ZNF131: variants seen among roughly 807,000 people sequenced by gnomAD.
ZNF131 encodes the protein zinc finger and BTB domain containing 35, also known as zinc finger protein 131.
In ZNF131, 7 loss-of-function variants were observed where a neutral mutation model predicts 60.0. That is an observed-to-expected ratio of 0.12 (90% CI 0.07 to 0.22). The LOEUF is 0.22. Ranked by LOEUF, ZNF131 falls within the 10% of genes least tolerant of loss-of-function variation. ZNF131 has a pLI of 1.00. For missense variants in ZNF131, 493 were observed against 740.9 expected, an observed-to-expected ratio of 0.67 and a Z score of 3.88; for synonymous variants, 257 against 253.2, an observed-to-expected ratio of 1.01 and a Z score of -0.14.
At chr5:43,158,661 C>T (rs546650824) in intron 4 of ZNF131, among the ~76,000 whole-genome samples, 1 of 152,260 alleles carries the variant, frequency 6.6e-6, no homozygotes, top group East Asian at 1.9e-4. Flanking sequence ...TATTAGGGGC[C>T]AAGACTTCAA....
chr5:43,149,585 A>G (rs1748048116), intron 4 of ZNF131, among the ~76,000 whole-genome samples: 1 of 152,188 alleles, frequency 6.6e-6, no homozygotes, highest in Non-Finnish European at 1.5e-5. Flanking sequence ...TATGGTAAGT[A>G]TATGTTTAAT....
chr5:43,136,621 A>ATTTTTTTC (rs1746136430), intron 3 of ZNF131, among the ~76,000 whole-genome samples: 1 of 120,822 alleles, frequency 8.3e-6, no homozygotes. Flanking sequence ...CCCCCATCTA[A>ATTTTTTTC]TTTTTTTCTT....
intron 4 of ZNF131, among the ~76,000 whole-genome samples, chr5:43,150,063 T>A (rs1748103911): frequency 6.6e-6 from 1 of 152,204 alleles, no homozygotes; most frequent in African/African-American, 2.4e-5. Context: ...TGTTTCTTGT[T>A]CCCTGTCCCC....
At chr5:43,168,847 C>G (rs139285372) in intron 5 of ZNF131, among the ~76,000 whole-genome samples, 1 of 152,002 alleles carries the variant, frequency 6.6e-6, no homozygotes, top group Non-Finnish European at 1.5e-5. Flanking sequence ...ATTTGGTGGT[C>G]GGTGAGGTGC....
At chr5:43,139,836 A>G (rs1406550194) in intron 4 of ZNF131, among the ~76,000 whole-genome samples, 1 of 152,214 alleles carries the variant, frequency 6.6e-6, no homozygotes, top group African/African-American at 2.4e-5. Context: ...ATTCAGTTAC[A>G]TTATTCCTTG....
rs1424891535 is a variant in ZNF131 at position 43,161,778 on chromosome 5, A to C, written c.901A>C (p.Ser301Arg). Residue 301 changes from serine to arginine, a missense_variant, in exon 5 of 7, where the codon AGC (serine) becomes CGC (arginine). Coordinates refer to ENST00000682664, the MANE Select transcript of ZNF131 (RefSeq NM_001330707.2). ...EICNKRYLRESAWKQHLNCYH... is the reference protein window; with the variant it reads ...EICNKRYLRERAWKQHLNCYH... ...ATGCAATAAACGATATCTTCGAGAG[A>C]GCGCATGGAAACAGCACCTAAATTG... The C allele has an allele frequency of 1.2e-6, 2 of 1,614,256 alleles. No homozygotes were observed. Among genetic ancestry groups the C allele is most frequent in the South Asian group, 2.2e-5 (2 of 91,078 alleles).
intron 3 of ZNF131, among the ~76,000 whole-genome samples, chr5:43,126,788 G>A (rs1021326630): frequency 6.6e-6 from 1 of 152,184 alleles, no homozygotes; most frequent in African/African-American, 2.4e-5. Context: ...CCACAGGTGT[G>A]CAGACTCAGG....
intron 5 of ZNF131, chr5:43,167,837 A>G: frequency 3.1e-6 from 1 of 318,242 alleles, no homozygotes; most frequent in Non-Finnish European, 6.3e-6. Context: ...TTTGTGATGG[A>G]AGAGACAAAG....
At chr5:43,146,299 T>C (rs924522932) in intron 4 of ZNF131, among the ~76,000 whole-genome samples, 8 of 152,134 alleles carry the variant, frequency 5.3e-5, no homozygotes, top group Admixed American at 1.3e-4. Flanking sequence ...AACTTAAAAC[T>C]GCGTATGGCC....
At chr5:43,166,630 A>G (rs1750392935) in intron 5 of ZNF131, among the ~76,000 whole-genome samples, 1 of 144,446 alleles carries the variant, frequency 6.9e-6, no homozygotes, top group Admixed American at 7.0e-5. Context: ...AAAGTGCTGG[A>G]TTACAGGCAC....
chr5:43,143,898 CTTTTTTTTTTTTTTTTTTTTTTTTTT>C (rs79246574), intron 4 of ZNF131, among the ~76,000 whole-genome samples: 6 of 34,974 alleles, frequency 1.7e-4, no homozygotes, highest in East Asian at 9.3e-4. Context: ...ATTGTCAGAG[CTTTTTTTTTTTTTTTTTTTTTTTTTT>C]TTTTTTTTTT....
chr5:43,131,295 C>T (rs534004655), intron 3 of ZNF131, among the ~76,000 whole-genome samples: 1 of 152,244 alleles, frequency 6.6e-6, no homozygotes, highest in East Asian at 1.9e-4. Context: ...GCCTCAGCCT[C>T]CCGAGTAACT....
At chr5:43,133,150 CAA>C (rs2112195093) in intron 3 of ZNF131, among the ~76,000 whole-genome samples, 1 of 152,156 alleles carries the variant, frequency 6.6e-6, no homozygotes, top group Non-Finnish European at 1.5e-5. Flanking sequence ...TCAAAAGTAT[CAA>C]TGATAAATGC....
intron 3 of ZNF131, among the ~76,000 whole-genome samples, chr5:43,137,458 TC>T (rs1169787039): frequency 6.6e-6 from 1 of 151,872 alleles, no homozygotes; most frequent in Non-Finnish European, 1.5e-5. Flanking sequence ...TAGACATTTC[TC>T]CAAACAGATG....
chr5:43,155,726 A>G (rs1467058634), intron 4 of ZNF131, among the ~76,000 whole-genome samples: 1 of 152,144 alleles, frequency 6.6e-6, no homozygotes, highest in Non-Finnish European at 1.5e-5. Flanking sequence ...ACTGGGCTTT[A>G]TTTTTGTTGG....
chr5:43,152,705 C>T (rs1748478114), intron 4 of ZNF131, among the ~76,000 whole-genome samples: 1 of 152,186 alleles, frequency 6.6e-6, no homozygotes, highest in Non-Finnish European at 1.5e-5. Context: ...TTTCCAGGCT[C>T]AGATGATCCT....
chr5:43,146,600 CAAT>C (rs1020274283), intron 4 of ZNF131, among the ~76,000 whole-genome samples: 5 of 151,404 alleles, frequency 3.3e-5, no homozygotes, highest in Non-Finnish European at 7.4e-5. Flanking sequence ...GTCTCAACAA[CAAT>C]AACAACAAAA....
Position 43,122,018 on chromosome 5 carries a change from TATC to T in ZNF131, c.-15-18_-15-16del. 1.2e-6 allele frequency: 2 copies of T among 1,612,184 alleles called. No individual in the cohort carries two copies. The highest frequency in any genetic ancestry group is 1.7e-6 in the Non-Finnish European group (2 of 1,179,338). On this transcript the variant is annotated intron_variant, in intron 1 of 6. Coordinates refer to ENST00000682664, the MANE Select transcript of ZNF131 (RefSeq NM_001330707.2). The stretch of plus-strand genomic sequence containing the variant: ...TCGGCTCGAGCTCATGGGTGTACAT[TATC>T]ATGCTCTTCTTTTGTAGAGCAGCCC...
intron 4 of ZNF131, among the ~76,000 whole-genome samples, chr5:43,145,907 A>G (rs985772217): frequency 9.2e-5 from 14 of 152,164 alleles, no homozygotes; most frequent in Non-Finnish European, 2.1e-4. Flanking sequence ...ATGTCTTCCA[A>G]CCGATTATAC....
Sources: gnomAD v4.1 joint callset for allele counts (sites outside exome capture counted in the v4.1 genomes callset) on GRCh38, gnomAD v4.1.1 for gene constraint, MANE v1.5 for transcripts, NCBI Gene and HGNC (gene_info 2026-07-23, HGNC 2026-07-21) for gene names.